The following ALK variants were observed in gnomAD, a reference collection of about 807,000 sequenced individuals.
The protein encoded by ALK is ALK tyrosine kinase receptor.
In ALK, 74 loss-of-function variants were observed where a neutral mutation model predicts 163.1. The observed-to-expected ratio is 0.45, with a 90% confidence interval of 0.38 to 0.55. ALK has a LOEUF of 0.55. Among genes scored for constraint, ALK ranks in the 20% least tolerant of loss-of-function variants. ALK has a pLI of 0.00. For synonymous variants in ALK, 960 were observed against 843.2 expected (o/e 1.14, Z -2.40); for missense variants, 2,063 against 2,105.3 (o/e 0.98, Z 0.39).
chr2:29,906,463 A>G (rs866744824), intron 1 of ALK, among the ~76,000 whole-genome samples: 1 of 152,202 alleles, frequency 6.6e-6, no homozygotes, highest in Non-Finnish European at 1.5e-5. Context: ...GAATGAAAAG[A>G]AGGAGGAGAC....
chr2:29,240,152 C>CAGAGAGAGGGAGAGAGAG lies in ALK; in HGVS notation c.2205-323_2205-322insCTCTCTCTCCCTCTCTCT, dbSNP rs142234574. On this transcript the variant is annotated intron_variant, in intron 12 of 28. Transcript: ENST00000389048. ...GGAGGGGAGAGAGAGAGGGAAACAG[C>CAGAGAGAGGGAGAGAGAG]AGAGAGAGAGAGAGAGAGAGAGAGA... is the stretch of plus-strand genomic sequence containing the variant. 4.8e-3 allele frequency among the ~76,000 whole-genome samples: 692 copies of CAGAGAGAGGGAGAGAGAG among 143,384 alleles called. 1 individual carries two copies. Among genetic ancestry groups the CAGAGAGAGGGAGAGAGAG allele is most frequent in the African/African-American group, 0.016 (621 of 38,770 alleles). 94.1% of individuals were successfully genotyped at this position (143,384 alleles called of 152,430 possible). A position where few individuals can be genotyped will look rare whatever the true frequency, so the allele number is the denominator to read the frequency against.
At chr2:29,416,518 TA>T (rs1669881194) in intron 4 of ALK, among the ~76,000 whole-genome samples, 1 of 152,230 alleles carries the variant, frequency 6.6e-6, no homozygotes, top group South Asian at 2.1e-4. Context: ...AAGAGTTTAG[TA>T]TGATTAACAG....
At chr2:29,581,920 A>G (rs552061757) in intron 3 of ALK, among the ~76,000 whole-genome samples, 68 of 152,312 alleles carry the variant, frequency 4.5e-4, no homozygotes, top group African/African-American at 1.6e-3. Context: ...CTAAGGGAAG[A>G]CTGGGCATGG....
intron 1 of ALK, among the ~76,000 whole-genome samples, chr2:29,894,833 AAC>A (rs762896113): frequency 9.3e-5 from 14 of 150,074 alleles, no homozygotes; most frequent in Non-Finnish European, 1.6e-4. Flanking sequence ...TGATGCTTCA[AAC>A]ACACACACAC....
At chr2:29,495,180 C>T (rs1264976950) in intron 4 of ALK, among the ~76,000 whole-genome samples, 3 of 152,164 alleles carry the variant, frequency 2.0e-5, no homozygotes, top group Non-Finnish European at 4.4e-5. Flanking sequence ...CCTGCCTACC[C>T]CAGCTCTGCT....
At chr2:29,821,348 G>A (rs186277755) in intron 1 of ALK, among the ~76,000 whole-genome samples, 1 of 152,050 alleles carries the variant, frequency 6.6e-6, no homozygotes, top group East Asian at 1.9e-4. Context: ...TGCCCTCTCT[G>A]AACCCACACT....
rs1060500209 is a variant in ALK at position 29,717,665 on chromosome 2, G to T, written c.700C>A (p.Pro234Thr). 6.2e-7 allele frequency: 1 copy of T among 1,613,974 alleles called. No individual in the cohort carries two copies. The highest frequency in any genetic ancestry group is 8.5e-7 in the Non-Finnish European group (1 of 1,179,854). ...HSSLESPTNM[P>T]SPSPDYFTWN... Reference sequence around the variant, plus strand: ...GTAAAATAATCAGGAGAAGGAGAAGGCATGTTTGTTGGTGATTCCAAGGAG... The same window carrying T: ...GTAAAATAATCAGGAGAAGGAGAAGTCATGTTTGTTGGTGATTCCAAGGAG... The change falls in exon 2 of 29, where the codon CCT becomes ACT. Residue 234 changes from proline (P) to threonine (T), a missense_variant. Transcript: ENST00000389048.
At chr2:29,460,135 G>A (rs1671050768) in intron 4 of ALK, among the ~76,000 whole-genome samples, 1 of 152,146 alleles carries the variant, frequency 6.6e-6, no homozygotes, top group Non-Finnish European at 1.5e-5. Context: ...AGCAAGATGT[G>A]GGGGCTGAGC....
intron 2 of ALK, among the ~76,000 whole-genome samples, chr2:29,712,328 C>A (rs1679127165): frequency 6.6e-6 from 1 of 152,124 alleles, no homozygotes; most frequent in South Asian, 2.1e-4. Flanking sequence ...AAGAGCTTGA[C>A]CCCCTAGCTC....
At chr2:29,215,060 C>A (rs1669564495) in intron 23 of ALK, among the ~76,000 whole-genome samples, 1 of 152,204 alleles carries the variant, frequency 6.6e-6, no homozygotes, top group South Asian at 2.1e-4. Context: ...GGTAGGGGGT[C>A]AAATCAATCC....
chr2:29,725,810 T>C (rs1027748969), intron 1 of ALK, among the ~76,000 whole-genome samples: 9 of 152,214 alleles, frequency 5.9e-5, no homozygotes, highest in African/African-American at 2.2e-4. Context: ...TGACTCATAA[T>C]TCATGGCCAA....
chr2:29,695,105 A>C (rs2148290199), intron 2 of ALK, 91 bp from the exon 3 acceptor site: 1 of 1,417,834 alleles, frequency 7.1e-7, no homozygotes, highest in South Asian at 1.2e-5. Context: ...GTTGGCCTTC[A>C]TCTCCCCACA....
chr2:29,470,572 G>A (rs1311305281), intron 4 of ALK, among the ~76,000 whole-genome samples: 1 of 152,212 alleles, frequency 6.6e-6, no homozygotes, highest in African/African-American at 2.4e-5. Context: ...AGAGAACAGA[G>A]TGATGTCTTT....
In ALK at chr2:29,347,911, A is replaced by G. The variant is rs114288305; in HGVS notation, c.1283-19430T>C. Among the ~76,000 whole-genome samples, 791 of 152,302 alleles carry G rather than the reference A, an allele frequency of 5.2e-3. 7 individuals are homozygous for G. Among genetic ancestry groups the G allele is most frequent in the African/African-American group, 0.018 (755 of 41,558 alleles). Reference sequence around the variant, plus strand: ...GAGTTTCCGATTCAGTAGATCTAGGATAGAGCTTGATAATTTGCATTTTTA... The same window carrying G: ...GAGTTTCCGATTCAGTAGATCTAGGGTAGAGCTTGATAATTTGCATTTTTA... On this transcript the variant is annotated intron_variant, in intron 5 of 28. Transcript: ENST00000389048.
intron 4 of ALK, among the ~76,000 whole-genome samples, chr2:29,393,034 C>G (rs954487396): frequency 1.3e-5 from 2 of 152,272 alleles, no homozygotes; most frequent in East Asian, 3.8e-4. Context: ...ACTGAATGTT[C>G]AAGGTCACTG....
chr2:29,492,447 T>C (rs910004703), intron 4 of ALK, among the ~76,000 whole-genome samples: 3 of 151,504 alleles, frequency 2.0e-5, no homozygotes, highest in Non-Finnish European at 2.9e-5. Flanking sequence ...TTAAAAAGAG[T>C]GAGAGAAAGT....
intron 4 of ALK, among the ~76,000 whole-genome samples, chr2:29,412,414 G>A (rs1466792229): frequency 6.6e-6 from 1 of 152,132 alleles, no homozygotes; most frequent in Non-Finnish European, 1.5e-5. Context: ...AGATCATGAA[G>A]GGTTTCCAGC....
intron 26 of ALK, among the ~76,000 whole-genome samples, chr2:29,201,574 G>T (rs1460634462): frequency 6.6e-6 from 1 of 152,036 alleles, no homozygotes; most frequent in Non-Finnish European, 1.5e-5. Context: ...ATCACTTGAG[G>T]TCAGGAGTTC....
intron 1 of ALK, among the ~76,000 whole-genome samples, chr2:29,805,382 A>T (rs973915071): frequency 5.9e-5 from 9 of 152,142 alleles, no homozygotes; most frequent in African/African-American, 2.2e-4. Flanking sequence ...GGACATGCAG[A>T]TTTGTTACAT....
Sources: gnomAD v4.1 joint callset for allele counts (sites outside exome capture counted in the v4.1 genomes callset) on GRCh38, gnomAD v4.1.1 for gene constraint, MANE v1.5 for transcripts, NCBI Gene and HGNC (gene_info 2026-07-23, HGNC 2026-07-21) for gene names.